Variants in FGD6 observed in about 807,000 individuals in gnomAD.
FGD6 encodes the protein FYVE, RhoGEF and PH domain-containing protein 6.
FGD6 carries 90 observed loss-of-function variants against 149.4 expected under a neutral mutation model. The observed-to-expected ratio is 0.60, with a 90% CI of 0.51 to 0.72. The LOEUF (loss-of-function observed/expected upper bound fraction) is 0.72. Ranked by LOEUF, FGD6 falls within the 30% of genes least tolerant of loss-of-function variation. The pLI, the probability that FGD6 is intolerant of heterozygous loss-of-function variation, is 0.00. For missense variants in FGD6, 1,437 were observed against 1,684.8 expected (o/e 0.85, Z 2.57); for synonymous variants, 527 against 584.0 (o/e 0.90, Z 1.41).
chr12:95,198,136 A>C (rs888293172), intron 2 of FGD6, among the ~76,000 whole-genome samples: 1 of 151,884 alleles, frequency 6.6e-6, no homozygotes, highest in African/African-American at 2.4e-5. Context: ...TACCAATATT[A>C]ATAATAAAAA....
In FGD6 at chr12:95,081,376, C is replaced by A; in HGVS notation, c.*144G>T. On this transcript the variant is annotated 3_prime_UTR_variant, in exon 21 of 21. Coordinates refer to ENST00000343958, the MANE Select transcript of FGD6 (RefSeq NM_018351.4). ...AAACACCTTTTAAAAATTGCTTATA[C>A]CTAACAAAACAATTTCTTTGATGAA... is the stretch of plus-strand genomic sequence containing the variant. 2 of 504,064 alleles carry A rather than the reference C, an allele frequency of 4.0e-6. No homozygotes were observed. The highest frequency in any genetic ancestry group is 3.2e-6 in the Non-Finnish European group (1 of 315,856). The allele number at this position is 504,064 out of a possible 1,614,324, so 31.2% of individuals were successfully genotyped here. A position where few individuals can be genotyped will look rare whatever the true frequency, so the allele number is the denominator to read the frequency against.
chr12:95,199,403 C>G (rs1379472677), intron 2 of FGD6, among the ~76,000 whole-genome samples: 1 of 151,946 alleles, frequency 6.6e-6, no homozygotes, highest in Non-Finnish European at 1.5e-5. Context: ...AAAAAAAATC[C>G]TTATTTATTT....
intron 18 of FGD6, 113 bp from the exon 19 acceptor site, chr12:95,086,021 G>T (rs1877853039): frequency 2.8e-6 from 3 of 1,068,068 alleles, no homozygotes; most frequent in African/African-American, 1.6e-5. Flanking sequence ...GAATGTTTCA[G>T]AATGAAATAT....
In FGD6 at chr12:95,142,029, T is replaced by TG. The variant is rs1879862376; in HGVS notation, c.2686-491dup. On this transcript the variant is annotated intron_variant, in intron 5 of 20. Coordinates refer to ENST00000343958, the MANE Select transcript of FGD6 (RefSeq NM_018351.4). Reference sequence around the variant, plus strand: ...GGCATGTGGAGAGAGGCACGTGTTGTGGGTCTCCCTCTGTCATCCAGGATG... The same window carrying TG: ...GGCATGTGGAGAGAGGCACGTGTTGTGGGGTCTCCCTCTGTCATCCAGGATG... 2.0e-5 allele frequency among the ~76,000 whole-genome samples: 3 copies of TG among 152,224 alleles called. No homozygotes were observed. The South Asian group carries it at 6.2e-4, about 32-fold the overall frequency.
chr12:95,101,181 C>CA (rs11364960), intron 14 of FGD6: 12 of 139,164 alleles, frequency 8.6e-5, no homozygotes, highest in African/African-American at 1.3e-4. Context: ...ACTAAAAATA[C>CA]AAAAAAAAAA....
At chr12:95,163,516 T>C (rs1880707168) in intron 3 of FGD6, among the ~76,000 whole-genome samples, 1 of 152,224 alleles carries the variant, frequency 6.6e-6, no homozygotes, top group Non-Finnish European at 1.5e-5. Context: ...TCACCCTGTA[T>C]CCTTCTGCAC....
intron 5 of FGD6, among the ~76,000 whole-genome samples, chr12:95,150,033 C>CACACACT (rs1555220380): frequency 8.4e-6 from 1 of 119,446 alleles, no homozygotes; most frequent in African/African-American, 3.2e-5. Context: ...CACACACACA[C>CACACACT]TTTTTTTTTT....
intron 7 of FGD6, among the ~76,000 whole-genome samples, chr12:95,135,540 T>C (rs1427963980): frequency 1.3e-5 from 2 of 152,188 alleles, no homozygotes; most frequent in African/African-American, 4.8e-5. Flanking sequence ...CAGACATCTA[T>C]CTCGGCCCAT....
At chr12:95,111,355 C>A (rs1378860028) in intron 9 of FGD6, among the ~76,000 whole-genome samples, 2 of 152,170 alleles carry the variant, frequency 1.3e-5, no homozygotes. Flanking sequence ...TCATCTATGT[C>A]TTTGCTGTCA....
chr12:95,132,037 T>C (rs1387891721), intron 8 of FGD6, among the ~76,000 whole-genome samples: 1 of 152,138 alleles, frequency 6.6e-6, no homozygotes, highest in African/African-American at 2.4e-5. Context: ...AGATTTCATC[T>C]CATAAATAAA....
rs1297015641 is a variant in FGD6 at position 95,210,782 on chromosome 12, T to C, written c.502A>G (p.Asn168Asp). Residue 168 changes from asparagine to aspartate, a missense_variant, in exon 2 of 21, where the codon AAC becomes GAC. Physicochemically the swap from Asn to Asp is conservative, Grantham distance 23. Around this residue, in one of 2 missense-constraint regions of FGD6, gnomAD observed 1,055 missense variants for 1,146.0 expected, o/e 0.92. Coordinates refer to ENST00000343958, the MANE Select transcript of FGD6 (RefSeq NM_018351.4). ...KCDLYGEKAK[N>D]QGGVVLKASV... ...GCCTTTAAAACAACCCCACCCTGGT[T>C]CTTGGCTTTTTCACCATACAAATCA... is the stretch of plus-strand genomic sequence containing the variant. 1 of 1,614,122 alleles carries C rather than the reference T, an allele frequency of 6.2e-7. No individual in the cohort carries two copies. Among genetic ancestry groups the C allele is most frequent in the East Asian group, 2.2e-5 (1 of 44,886 alleles).
intron 8 of FGD6, among the ~76,000 whole-genome samples, chr12:95,129,311 GCATCCATCCATC>G (rs71435749): frequency 3.3e-4 from 35 of 105,402 alleles, no homozygotes; most frequent in African/African-American, 1.1e-3. Context: ...ATGCATGCAT[GCATCCATCCATC>G]CATCCATCCA....
intron 3 of FGD6, among the ~76,000 whole-genome samples, chr12:95,158,531 A>G (rs1319082607): frequency 6.6e-6 from 1 of 151,952 alleles, no homozygotes; most frequent in Non-Finnish European, 1.5e-5. Flanking sequence ...TCTGACCTTG[A>G]CCTGGCAGAC....
chr12:95,141,485 C>A lies in FGD6; in HGVS notation c.2740G>T (p.Glu914Ter). Residue 914 changes from glutamate (E) to a stop codon, truncating the protein, a stop_gained, in exon 6 of 21, where the codon GAG becomes TAG. Transcript: ENST00000343958. LOFTEE classifies it high-confidence loss of function. ...ASRQLGKPVIEDRILNQILYY... is the reference protein window; with the variant it reads ...ASRQLGKPVI The stretch of plus-strand genomic sequence containing the variant: ...AGGATCTGATTTAGAATCCGGTCCT[C>A]AATCACTGGTTTCCCAAGTTGCCTG... 1 of 1,614,126 alleles carries A rather than the reference C, an allele frequency of 6.2e-7. No individual in the cohort carries two copies. Among genetic ancestry groups the A allele is most frequent in the Non-Finnish European group, 8.5e-7 (1 of 1,180,012 alleles).
At chr12:95,186,521 G>A (rs1297370008) in intron 2 of FGD6, among the ~76,000 whole-genome samples, 70 of 136,322 alleles carry the variant, frequency 5.1e-4, no homozygotes, top group South Asian at 7.0e-4. Flanking sequence ...CTTAAATCAT[G>A]AAAAAAAAAA....
Position 95,209,513 on chromosome 12 carries a change from T to C in FGD6, c.1771A>G (p.Asn591Asp), listed in dbSNP as rs767806696. Residue 591 changes from asparagine to aspartate, a missense_variant, in exon 2 of 21, where the codon AAC becomes GAC. Transcript: ENST00000343958. ...EFLKSVTVSS[N>D]SEPSTALTKP... ...GTTAGGGCTGTTGAAGGCTCACTGT[T>C]TGACGATACGGTGACAGACTTTAAG... 9 of 1,613,770 alleles carry C rather than the reference T, an allele frequency of 5.6e-6. No individual in the cohort carries two copies. In the Admixed American group the frequency reaches 1.0e-4, roughly 18 times the overall value.
chr12:95,137,964 G>A (rs1879723465), intron 6 of FGD6, among the ~76,000 whole-genome samples: 1 of 152,052 alleles, frequency 6.6e-6, no homozygotes, highest in Admixed American at 6.6e-5. Flanking sequence ...GCTCATACCT[G>A]TAATCCCAGC....
chr12:95,078,757 T>TA lies in FGD6; in HGVS notation c.*2762dup. 1 of 152,248 alleles carries TA rather than the reference T, an allele frequency of 6.6e-6. No homozygotes were observed. The highest frequency in any genetic ancestry group is 1.5e-5 in the Non-Finnish European group (1 of 68,040). The allele number at this position is 152,248 out of a possible 1,614,324, so 9.4% of individuals were successfully genotyped here. A position where few individuals can be genotyped will look rare whatever the true frequency, so the allele number is the denominator to read the frequency against. Reference sequence around the variant, plus strand: ...CCTGTACATTTATAGCTGCCACAGATAAAGGTGGACTGCTAGTTGGGGACA... The same window carrying TA: ...CCTGTACATTTATAGCTGCCACAGATAAAAGGTGGACTGCTAGTTGGGGACA... On this transcript the variant is annotated 3_prime_UTR_variant, in exon 21 of 21. Coordinates refer to ENST00000343958, the MANE Select transcript of FGD6 (RefSeq NM_018351.4).
intron 2 of FGD6, among the ~76,000 whole-genome samples, chr12:95,191,446 T>C (rs1452574297): frequency 1.3e-5 from 2 of 152,234 alleles, no homozygotes; most frequent in African/African-American, 2.4e-5. Flanking sequence ...AGTGGGACAC[T>C]GGTTTACTCA....
Sources: allele counts gnomAD v4.1 joint callset (sites outside exome capture counted in the v4.1 genomes callset), GRCh38; gene constraint gnomAD v4.1.1; regional missense constraint gnomAD v4.1.1; transcripts MANE v1.5; gene names NCBI Gene and HGNC (gene_info 2026-07-23, HGNC 2026-07-21).